Variants in PRKCE observed in about 807,000 individuals in gnomAD.
PRKCE encodes the protein protein kinase C epsilon, also known as protein kinase C epsilon type.
In PRKCE, 16 loss-of-function variants were observed where a neutral mutation model predicts 85.4. That is an observed-to-expected ratio of 0.19 (90% confidence interval 0.13 to 0.28). The LOEUF is 0.28. PRKCE is among the 10% of genes least tolerant of loss of function. The pLI, the probability that PRKCE is intolerant of heterozygous loss-of-function variation, is 1.00. For synonymous variants in PRKCE, 388 were observed against 371.5 expected (o/e 1.04, Z -0.51); for missense variants, 573 against 975.2 (o/e 0.59, Z 5.49).
rs1165620734 is a variant in PRKCE at position 46,184,800 on chromosome 2, T to A, written c.2133T>A (p.Leu711=). ...DFTREEPVLT[L]VDEAIVKQIN... is the part of the protein sequence containing the mutation. Reference sequence around the variant, plus strand: ...CCCGGGAAGAGCCGGTACTCACCCTTGTGGACGAAGCAATTGTAAAGCAGA... The same window carrying A: ...CCCGGGAAGAGCCGGTACTCACCCTAGTGGACGAAGCAATTGTAAAGCAGA... The change falls in exon 15 of 15, where the codon CTT becomes CTA. Residue 711 remains leucine, a synonymous_variant. Transcript: ENST00000306156. The surrounding 1 kb of genome is among the most constrained non-coding windows in gnomAD (Gnocchi z 5.0). 1.9e-6 allele frequency: 3 copies of A among 1,599,786 alleles called. No homozygotes were observed. Among genetic ancestry groups the A allele is most frequent in the Non-Finnish European group, 2.5e-6 (3 of 1,179,948 alleles).
chr2:45,910,069 A>G, intron 2 of PRKCE, among the ~76,000 whole-genome samples: 1 of 151,590 alleles, frequency 6.6e-6, no homozygotes, highest in East Asian at 1.9e-4. Context: ...GTGCCCAGGA[A>G]TGTGTGACCA....
intron 1 of PRKCE, among the ~76,000 whole-genome samples, chr2:45,756,576 T>A (rs920814734): frequency 6.6e-6 from 1 of 152,136 alleles, no homozygotes; most frequent in Admixed American, 6.5e-5. Flanking sequence ...AGTCTTAAAC[T>A]GGAAACAACC....
At chr2:45,939,969 C>T (rs931406434) in intron 2 of PRKCE, among the ~76,000 whole-genome samples, 1 of 152,206 alleles carries the variant, frequency 6.6e-6, no homozygotes, top group Non-Finnish European at 1.5e-5. Context: ...GAATTGCCAG[C>T]AAGTGCATTC....
In PRKCE at chr2:46,184,749, C is replaced by T. The variant is rs1377303564; in HGVS notation, c.2082C>T (p.Asp694=). The change falls in exon 15 of 15, where the codon GAC becomes GAT. Residue 694 remains aspartate (D), a synonymous_variant. Transcript: ENST00000306156. This position sits in a 1 kb window ranked among gnomAD's most constrained non-coding sequence, Gnocchi z 5.0. ...TCTTCCCACAGAAAACCAAAAGAGACGTCAATAATTTTGACCAAGACTTTA... is the reference window on the plus strand; with the variant it reads ...TCTTCCCACAGAAAACCAAAAGAGATGTCAATAATTTTGACCAAGACTTTA... The part of the protein sequence containing the change: ...PFKPRIKTKR[D]VNNFDQDFTR... 4.4e-6 allele frequency: 7 copies of T among 1,599,524 alleles called. No individual in the cohort carries two copies. The highest frequency in any genetic ancestry group is 2.7e-5 in the African/African-American group (2 of 74,926).
chr2:45,958,508 CA>C (rs540917691), intron 2 of PRKCE, among the ~76,000 whole-genome samples: 1,480 of 68,758 alleles, frequency 0.022, 20 homozygotes, highest in African/African-American at 0.064. Flanking sequence ...GACTCTGTCT[CA>C]AAAAAAAAAA....
intron 2 of PRKCE, among the ~76,000 whole-genome samples, chr2:45,857,511 C>T (rs747836971): frequency 6.6e-5 from 10 of 152,222 alleles, no homozygotes; most frequent in East Asian, 3.8e-4. Context: ...GTAGATCTAT[C>T]GCTCTCATCA....
intron 11 of PRKCE, among the ~76,000 whole-genome samples, chr2:46,095,647 A>G (rs1006009673): frequency 6.6e-6 from 1 of 152,140 alleles, no homozygotes; most frequent in Non-Finnish European, 1.5e-5. Flanking sequence ...GACCTTCCCC[A>G]TTGCTGGTTC....
At chr2:45,818,344 C>G (rs978778404) in intron 1 of PRKCE, among the ~76,000 whole-genome samples, 10 of 152,134 alleles carry the variant, frequency 6.6e-5, no homozygotes, top group Admixed American at 2.0e-4. Context: ...CTGCCCCACA[C>G]CCCTCTGGAT....
At chr2:45,944,655 A>ATTTTTTTTTTTTTTTT (rs71394861) in intron 2 of PRKCE, among the ~76,000 whole-genome samples, 6 of 75,622 alleles carry the variant, frequency 7.9e-5, no homozygotes, top group Non-Finnish European at 1.4e-4. Context: ...TACCCGGCTA[A>ATTTTTTTTTTTTTTTT]TTTTTTTTTT....
intron 1 of PRKCE, among the ~76,000 whole-genome samples, chr2:45,687,448 C>A (rs1380873783): frequency 1.3e-5 from 2 of 152,030 alleles, no homozygotes; most frequent in African/African-American, 2.4e-5. Flanking sequence ...GTGGAGGGAA[C>A]AAGACATCCA....
intron 14 of PRKCE, among the ~76,000 whole-genome samples, chr2:46,172,631 T>A (rs1277412760): frequency 2.6e-5 from 4 of 152,204 alleles, no homozygotes. Flanking sequence ...ACTATTGACT[T>A]CACCTGCACT....
chr2:45,844,389 A>G (rs1424639429), intron 2 of PRKCE, among the ~76,000 whole-genome samples: 2 of 152,240 alleles, frequency 1.3e-5, no homozygotes, highest in Middle Eastern at 3.2e-3. Context: ...TGAACTGCCC[A>G]GAATAGAACC....
At chr2:45,866,257 A>G (rs1479321274) in intron 2 of PRKCE, among the ~76,000 whole-genome samples, 3 of 152,148 alleles carry the variant, frequency 2.0e-5, no homozygotes, top group Non-Finnish European at 4.4e-5. Flanking sequence ...TATGGGTGAG[A>G]TAATATGTCT....
intron 11 of PRKCE, among the ~76,000 whole-genome samples, chr2:46,121,472 C>T (rs1558477029): frequency 1.3e-5 from 2 of 152,196 alleles, no homozygotes; most frequent in East Asian, 3.8e-4. Flanking sequence ...CATTGCCTGT[C>T]TTTGACATAC....
At chr2:45,714,095 T>A (rs1221962145) in intron 1 of PRKCE, among the ~76,000 whole-genome samples, 1 of 152,236 alleles carries the variant, frequency 6.6e-6, no homozygotes, top group Non-Finnish European at 1.5e-5. Context: ...AAATAAGCAT[T>A]TTTTGAGATC....
chr2:45,900,916 T>G (rs552363313), intron 2 of PRKCE, among the ~76,000 whole-genome samples: 1 of 152,304 alleles, frequency 6.6e-6, no homozygotes, highest in Admixed American at 6.5e-5. Context: ...TGAGGAGAGA[T>G]GAACAATACA....
intron 2 of PRKCE, among the ~76,000 whole-genome samples, chr2:45,960,987 A>C (rs1701336073): frequency 6.6e-6 from 1 of 152,194 alleles, no homozygotes; most frequent in Non-Finnish European, 1.5e-5. Flanking sequence ...CTAAGGAGTA[A>C]AGCAAACACA....
In PRKCE at chr2:45,984,607, C is replaced by T. The variant is rs1703162379; in HGVS notation, c.750C>T (p.Tyr250=). The part of the protein sequence containing the change: ...NMPHKFGIHN[Y]KVPTFCDHCG... ...CCCACAAGTTCGGTATCCACAACTA[C>T]AAGGTCCCTACCTTCTGCGATCACT... is the stretch of plus-strand genomic sequence containing the variant. Residue 250 remains tyrosine, a synonymous_variant, in exon 6 of 15, where the codon TAC becomes TAT. Coordinates refer to ENST00000306156, the MANE Select transcript of PRKCE (RefSeq NM_005400.3). The T allele has an allele frequency of 1.9e-6, 3 of 1,599,894 alleles. No homozygotes were observed. Among genetic ancestry groups the T allele is most frequent in the Non-Finnish European group, 1.7e-6 (2 of 1,179,936 alleles).
chr2:45,914,540 C>G (rs1001883244), intron 2 of PRKCE, among the ~76,000 whole-genome samples: 6 of 152,148 alleles, frequency 3.9e-5, no homozygotes. Flanking sequence ...GTTTGGGAAC[C>G]AGTCCCTACC....
Sources: gnomAD v4.1 joint callset for allele counts (sites outside exome capture counted in the v4.1 genomes callset) on GRCh38, gnomAD v4.1.1 for gene constraint, Gnocchi (gnomAD v3.1) non-coding constraint, MANE v1.5 for transcripts, NCBI Gene and HGNC (gene_info 2026-07-23, HGNC 2026-07-21) for gene names.